Variants in FAM107B observed in about 807,000 individuals in gnomAD.
FAM107B encodes the protein protein FAM107B.
FAM107B carries 21 observed loss-of-function variants against 31.5 expected under a neutral mutation model. The ratio of observed to expected loss-of-function variants is 0.67; its 90% confidence interval spans 0.47 to 0.96. FAM107B has a LOEUF of 0.96. Ranked by LOEUF, FAM107B falls within the 40% of genes least tolerant of loss-of-function variation. The pLI is 0.00. For synonymous variants in FAM107B, 157 were observed against 141.5 expected (o/e 1.11, Z -0.78); for missense variants, 452 against 377.1 (o/e 1.20, Z -1.64).
intron 1 of FAM107B, among the ~76,000 whole-genome samples, chr10:14,750,605 C>T (rs1832809204): frequency 1.3e-5 from 2 of 152,132 alleles, no homozygotes; most frequent in Admixed American, 1.3e-4. Flanking sequence ...GAGTGAGACT[C>T]TGTCTCAAAA....
chr10:14,639,148 G>T (rs1226912271), intron 2 of FAM107B, among the ~76,000 whole-genome samples: 1 of 152,032 alleles, frequency 6.6e-6, no homozygotes. Flanking sequence ...GAGCAGTGAT[G>T]GCACCACTGC....
At chr10:14,712,000 C>T (rs866000695) in intron 1 of FAM107B, among the ~76,000 whole-genome samples, 1 of 152,190 alleles carries the variant, frequency 6.6e-6, no homozygotes, top group Non-Finnish European at 1.5e-5. Flanking sequence ...TGCAGTGCTA[C>T]ATGTGGGTTT....
At chr10:14,714,582 G>T (rs1343412977) in intron 1 of FAM107B, among the ~76,000 whole-genome samples, 1 of 152,108 alleles carries the variant, frequency 6.6e-6, no homozygotes, top group Non-Finnish European at 1.5e-5. Flanking sequence ...AGGCAACGAG[G>T]GTACAGATGG....
chr10:14,545,210 A>G (rs1483743392), intron 2 of FAM107B, among the ~76,000 whole-genome samples: 1 of 152,142 alleles, frequency 6.6e-6, no homozygotes, highest in African/African-American at 2.4e-5. Context: ...TCATGCAGCT[A>G]GCTCCAGAGT....
Position 14,742,854 on chromosome 10 carries a change from T to G in FAM107B, c.411+31399A>C, listed in dbSNP as rs554879294. Among the ~76,000 whole-genome samples, 4 of 152,326 alleles carry G rather than the reference T, an allele frequency of 2.6e-5. No individual in the cohort carries two copies. The East Asian group carries it at 7.7e-4, about 29-fold the overall frequency. The stretch of plus-strand genomic sequence containing the variant: ...CCACTATTTGACTTTCCTTCTCTCC[T>G]TTACTTACTGTAATCTTCCTGGCCA... On this transcript the variant is annotated intron_variant, in intron 1 of 4. Transcript: ENST00000181796.
chr10:14,603,801 G>A (rs1415719522), intron 2 of FAM107B, among the ~76,000 whole-genome samples: 1 of 151,860 alleles, frequency 6.6e-6, no homozygotes, highest in Admixed American at 6.5e-5. Flanking sequence ...GGCTTTGTCT[G>A]CCTGGCGGGG....
chr10:14,693,003 C>G (rs1044578681), intron 1 of FAM107B, among the ~76,000 whole-genome samples: 2 of 152,146 alleles, frequency 1.3e-5, no homozygotes, highest in East Asian at 3.9e-4. Flanking sequence ...ATGCGGTCAG[C>G]CTTCACTAGG....
chr10:14,600,302 C>T (rs59942413), intron 2 of FAM107B, among the ~76,000 whole-genome samples: 3,138 of 152,284 alleles, frequency 0.021, 71 homozygotes, highest in East Asian at 0.12. Context: ...CAGAACCATA[C>T]GGTTTCCCGA....
intron 1 of FAM107B, among the ~76,000 whole-genome samples, chr10:14,769,620 G>A (rs1042951085): frequency 2.0e-5 from 3 of 152,018 alleles, no homozygotes; most frequent in Admixed American, 1.3e-4. Flanking sequence ...TCCTGACTTC[G>A]TGATTCACCC....
intron 2 of FAM107B, among the ~76,000 whole-genome samples, chr10:14,643,419 T>C (rs993742508): frequency 2.6e-5 from 4 of 151,724 alleles, no homozygotes; most frequent in Non-Finnish European, 5.9e-5. Context: ...AATTTTTTTT[T>C]TTTTTTTTGA....
At position 14,718,495 on chromosome 10, in the gene FAM107B, G is replaced by A. The variant is rs1564270472; in HGVS notation, c.412-50804C>T. Among the ~76,000 whole-genome samples, 5 of 143,734 alleles carry A rather than the reference G, an allele frequency of 3.5e-5. No homozygotes were observed. In the South Asian group the frequency reaches 9.6e-4, roughly 28 times the overall value. 94.3% of individuals were successfully genotyped at this position (143,734 alleles called of 152,430 possible). A position where few individuals can be genotyped will look rare whatever the true frequency, so the allele number is the denominator to read the frequency against. ...GAAAAGGAGGGAGGGAGAGAAGGAA[G>A]GAAGGAAAGGGAGGGAGGGAGGGAA... On this transcript the variant is annotated intron_variant, in intron 1 of 4. Transcript: ENST00000181796.
At chr10:14,606,276 T>A (rs1461231878) in intron 2 of FAM107B, among the ~76,000 whole-genome samples, 1 of 151,956 alleles carries the variant, frequency 6.6e-6, no homozygotes, top group Non-Finnish European at 1.5e-5. Context: ...CCCCAAGAGC[T>A]CCTCTCCTCT....
chr10:14,565,540 G>T (rs1471123943), intron 2 of FAM107B, among the ~76,000 whole-genome samples: 1 of 152,156 alleles, frequency 6.6e-6, no homozygotes, highest in African/African-American at 2.4e-5. Context: ...AGAAAACAAG[G>T]AAATGTGTTA....
chr10:14,592,493 G>T (rs971357032), intron 2 of FAM107B, among the ~76,000 whole-genome samples: 1 of 152,160 alleles, frequency 6.6e-6, no homozygotes, highest in Non-Finnish European at 1.5e-5. Context: ...ACACCTAACA[G>T]GTGGCTTAGA....
At position 14,555,481 on chromosome 10, in the gene FAM107B, A is replaced by G. The variant is rs1001601249; in HGVS notation, c.470-24966T>C. Among the ~76,000 whole-genome samples, 7 of 152,228 alleles carry G rather than the reference A, an allele frequency of 4.6e-5. No homozygotes were observed. In the East Asian group the frequency reaches 1.3e-3, roughly 29 times the overall value. On this transcript the variant is annotated intron_variant, in intron 2 of 4. Coordinates refer to ENST00000181796, the MANE Select transcript of FAM107B (RefSeq NM_031453.4). The stretch of plus-strand genomic sequence containing the variant: ...GCCTGATTATAAAACAAACTATTCT[A>G]AACATTTTACTTCTGTCTTTAATCT...
chr10:14,606,235 C>T (rs1852586926), intron 2 of FAM107B, among the ~76,000 whole-genome samples: 1 of 152,158 alleles, frequency 6.6e-6, no homozygotes, highest in Admixed American at 6.5e-5. Context: ...CTTCCACGGG[C>T]TTCCCCTCTG....
chr10:14,693,202 G>A (rs775531068), intron 1 of FAM107B, among the ~76,000 whole-genome samples: 54 of 152,134 alleles, frequency 3.5e-4, no homozygotes, highest in African/African-American at 8.9e-4. Context: ...ATGGCCGGGC[G>A]CGGTGGCTCA....
intron 2 of FAM107B, among the ~76,000 whole-genome samples, chr10:14,537,226 C>A (rs959102974): frequency 2.0e-5 from 3 of 152,184 alleles, no homozygotes; most frequent in Middle Eastern, 6.4e-3. Flanking sequence ...AAAGCACACC[C>A]CAAAAGCAGC....
chr10:14,664,065 A>AC (rs1273944456), intron 2 of FAM107B, among the ~76,000 whole-genome samples: 2 of 151,796 alleles, frequency 1.3e-5, no homozygotes, highest in African/African-American at 2.4e-5. Flanking sequence ...CTCTTGAAAA[A>AC]CTTCCTGGAT....
Sources: allele counts gnomAD v4.1 joint callset (sites outside exome capture counted in the v4.1 genomes callset), GRCh38; gene constraint gnomAD v4.1.1; transcripts MANE v1.5; gene names NCBI Gene and HGNC (gene_info 2026-07-23, HGNC 2026-07-21).